PRRC2B: variants seen among roughly 807,000 people sequenced by gnomAD.
PRRC2B encodes the protein proline rich coiled-coil 2B, also known as protein PRRC2B.
Under a neutral mutation model 242.3 loss-of-function variants are expected in PRRC2B, and 68 were observed. That is an observed-to-expected ratio of 0.28 (90% CI 0.23 to 0.34). PRRC2B has a LOEUF of 0.34. Ranked by LOEUF, PRRC2B falls within the 10% of genes least tolerant of loss-of-function variation. The pLI is 1.00. For synonymous variants in PRRC2B, 1,228 were observed against 1,173.6 expected (o/e 1.05, Z -0.95); for missense variants, 2,835 against 2,954.8 (o/e 0.96, Z 0.94).
At chr9:131,421,630 C>G (rs1402632985) in intron 1 of PRRC2B, among the ~76,000 whole-genome samples, 1 of 152,236 alleles carries the variant, frequency 6.6e-6, no homozygotes, top group East Asian at 1.9e-4. Context: ...CGTTGCAGCA[C>G]TCATTGTGTC....
rs972358643 is a variant in PRRC2B at position 131,487,349 on chromosome 9, C to T, written c.5984+55C>T. 12 of 1,377,562 alleles carry T rather than the reference C, an allele frequency of 8.7e-6. No individual in the cohort carries two copies. In the African/African-American group the frequency reaches 8.8e-5, roughly 10 times the overall value. The allele number at this position is 1,377,562 out of a possible 1,614,324, so 85.3% of individuals were successfully genotyped here. On this transcript the variant is annotated intron_variant, in intron 27 of 31. Transcript: ENST00000683519. This position sits in a 1 kb window ranked among gnomAD's most constrained non-coding sequence, Gnocchi z 5.3. ...GCAGCTCACAGCCAGGGCCTTGGCCCTGTGTGCAGCCTTCGTCCTGCAGCT... is the reference window on the plus strand; with the variant it reads ...GCAGCTCACAGCCAGGGCCTTGGCCTTGTGTGCAGCCTTCGTCCTGCAGCT...
intron 13 of PRRC2B, among the ~76,000 whole-genome samples, chr9:131,468,732 TC>T (rs564061881): frequency 9.3e-4 from 141 of 152,260 alleles, no homozygotes; most frequent in African/African-American, 2.7e-3. Context: ...TGAAAATATT[TC>T]AAAACGTGTG....
Position 131,479,324 on chromosome 9 carries a change from C to T in PRRC2B, c.4831C>T (p.Leu1611=). Residue 1611 remains leucine, a synonymous_variant, in exon 19 of 32, where the codon CTG becomes TTG. Coordinates refer to ENST00000683519, the MANE Select transcript of PRRC2B (RefSeq NM_013318.4). ...TGCAAAAAAGCAGAACAACTTATGT[C>T]TGGAGCAAGGTGACGTGACCGTGCC... ...RFAKKQNNLC[L]EQGDVTVPGS... is the part of the protein sequence containing the mutation. 6.2e-7 allele frequency: 1 copy of T among 1,613,940 alleles called. No individual in the cohort carries two copies. Among genetic ancestry groups the T allele is most frequent in the South Asian group, 1.1e-5 (1 of 91,076 alleles).
intron 9 of PRRC2B, among the ~76,000 whole-genome samples, chr9:131,454,797 G>C (rs1240128191): frequency 6.6e-6 from 1 of 151,998 alleles, no homozygotes; most frequent in South Asian, 2.1e-4. Context: ...CACCATGCCC[G>C]ACTAATTTTT....
In PRRC2B at chr9:131,497,978, C is replaced by G. The variant is rs768943583; in HGVS notation, c.*2104C>G. On this transcript the variant is annotated 3_prime_UTR_variant, in exon 32 of 32. Transcript: ENST00000683519. ...TTCAGGCCTGCGGGAGCCACACATT[C>G]ATCTCCACCTGGACACTTGAGCCGC... 1.6e-4 allele frequency: 25 copies of G among 152,374 alleles called. No homozygotes were observed. Among genetic ancestry groups the G allele is most frequent in the African/African-American group, 5.1e-4 (21 of 41,572 alleles). 9.4% of individuals were successfully genotyped at this position (152,374 alleles called of 1,614,324 possible). A position where few individuals can be genotyped will look rare whatever the true frequency, so the allele number is the denominator to read the frequency against.
intron 5 of PRRC2B, among the ~76,000 whole-genome samples, chr9:131,440,349 C>T (rs949998103): frequency 2.6e-5 from 4 of 151,726 alleles, no homozygotes; most frequent in African/African-American, 9.7e-5. Flanking sequence ...CTTGCTTTGT[C>T]ACACAGGCTG....
Position 131,475,541 on chromosome 9 carries a change from G to C in PRRC2B, c.3412G>C (p.Gly1138Arg). The C allele has an allele frequency of 6.2e-7, 1 of 1,612,614 alleles. No homozygotes were observed. Among genetic ancestry groups the C allele is most frequent in the Non-Finnish European group, 8.5e-7 (1 of 1,179,742 alleles). Reference protein sequence around the residue: ...RRVASETHSEGSEYEELPKRR... With the variant: ...RRVASETHSERSEYEELPKRR... The stretch of plus-strand genomic sequence containing the variant: ...AGTTGCCAGTGAGACCCATAGCGAG[G>C]GCTCAGAGTATGAAGAACTTCCCAA... The change falls in exon 16 of 32, where the codon GGC (glycine) becomes CGC (arginine). Residue 1138 changes from glycine (G) to arginine (R), a missense_variant. Physicochemically the swap from Gly to Arg is moderately radical, Grantham distance 125. Around this residue, in one of 7 missense-constraint regions of PRRC2B, gnomAD observed 1,536 missense variants for 1,483.1 expected, o/e 1.04. Coordinates refer to ENST00000683519, the MANE Select transcript of PRRC2B (RefSeq NM_013318.4).
chr9:131,425,717 C>T (rs1837958866), intron 1 of PRRC2B, among the ~76,000 whole-genome samples: 1 of 150,320 alleles, frequency 6.7e-6, no homozygotes, highest in African/African-American at 2.4e-5. Context: ...TCTCGATCTC[C>T]TGACCTCGTG....
At chr9:131,417,280 AG>A (rs1202931543) in intron 1 of PRRC2B, among the ~76,000 whole-genome samples, 1 of 151,808 alleles carries the variant, frequency 6.6e-6, no homozygotes, top group Non-Finnish European at 1.5e-5. Flanking sequence ...GAAGCTTCTG[AG>A]GTTTGCCACT....
rs370981276 is a variant in PRRC2B, at chr9:131,444,255, G to A, written c.540G>A (p.Gly180=). 147 of 1,613,854 alleles carry A rather than the reference G, an allele frequency of 9.1e-5. No individual in the cohort carries two copies. Among genetic ancestry groups the A allele is most frequent in the Admixed American group, 1.8e-4 (11 of 59,992 alleles). Residue 180 remains glycine, a synonymous_variant, in exon 6 of 32, where the codon GGG becomes GGA. Transcript: ENST00000683519. ...TTCCGACGCTGAAAGCAGCTGGAGG[G>A]CAGGACAAGGCTGGCAAAGAAAAGG... ...EEFPTLKAAG[G]QDKAGKEKGV... is the part of the protein sequence containing the mutation.
At position 131,467,683 on chromosome 9, in the gene PRRC2B, CT is replaced by C; in HGVS notation, c.1842del (p.Ala615HisfsTer61). 6.2e-7 allele frequency: 1 copy of C among 1,614,000 alleles called. No individual in the cohort carries two copies. The highest frequency in any genetic ancestry group is 8.5e-7 in the Non-Finnish European group (1 of 1,179,888). On this transcript the variant is annotated frameshift_variant, in exon 13 of 32. Coordinates refer to ENST00000683519, the MANE Select transcript of PRRC2B (RefSeq NM_013318.4). LOFTEE classifies it high-confidence loss of function. ...GAAGAGGCCAGAGAGGCTGGGTCCCCTGCACAGGAGTTCAAGTATCAGAAGT... is the reference window on the plus strand; with the variant it reads ...GAAGAGGCCAGAGAGGCTGGGTCCCCGCACAGGAGTTCAAGTATCAGAAGT... The part of the protein sequence containing the change: ...SEEEAREAGS[P>X]AQEFKYQKSL...
chr9:131,495,855 T>C lies in PRRC2B; in HGVS notation c.6671T>C (p.Val2224Ala). 6.2e-7 allele frequency: 1 copy of C among 1,609,152 alleles called. No homozygotes were observed. The highest frequency in any genetic ancestry group is 8.5e-7 in the Non-Finnish European group (1 of 1,176,212). ...TGAIKPRAVK[V>A]EESKA is the part of the protein sequence containing the mutation. ...GCGATCAAGCCTCGGGCTGTCAAAG[T>C]GGAGGAGAGTAAGGCCTGACAGTGC... The change falls in exon 32 of 32, where the codon GTG becomes GCG. Residue 2224 changes from valine to alanine, a missense_variant. Physicochemically the swap from Val to Ala is moderately conservative, Grantham distance 64. This residue lies in a region of PRRC2B where 574 missense variants were observed against 626.0 expected (regional missense o/e 0.92). Transcript: ENST00000683519.
chr9:131,466,723 G>A (rs962577612), intron 12 of PRRC2B, among the ~76,000 whole-genome samples: 5 of 151,918 alleles, frequency 3.3e-5, no homozygotes, highest in African/African-American at 7.3e-5. Context: ...GGGTTCAAGC[G>A]ATTCTCTCAC....
Position 131,477,934 on chromosome 9 carries a change from G to C in PRRC2B, c.4597G>C (p.Asp1533His). 6.2e-7 allele frequency: 1 copy of C among 1,613,930 alleles called. No individual in the cohort carries two copies. Among genetic ancestry groups the C allele is most frequent in the Non-Finnish European group, 8.5e-7 (1 of 1,179,816 alleles). Residue 1533 changes from aspartate to histidine, a missense_variant, in exon 17 of 32, where the codon GAC becomes CAC. By Grantham distance (81) the Asp-to-His change is moderately conservative. Around this residue, in one of 7 missense-constraint regions of PRRC2B, gnomAD observed 1,536 missense variants for 1,483.1 expected, o/e 1.04. Transcript: ENST00000683519. ...ACAGGGAGAGGCCATGAAACAGTTT[G>C]ACCTGAACTATGGAAGTAAGTCATC... ...GEQGEAMKQF[D>H]LNYGSAIIEN...
intron 1 of PRRC2B, among the ~76,000 whole-genome samples, chr9:131,378,970 C>T (rs193011054): frequency 1.3e-3 from 195 of 152,270 alleles, no homozygotes; most frequent in African/African-American, 4.5e-3. Context: ...CTGCCCACCT[C>T]GGCCTTCCAA....
chr9:131,473,528 C>T lies in PRRC2B; in HGVS notation c.2128C>T (p.Pro710Ser). Reference protein sequence around the residue: ...HPSGLMKPMMPQESLNGTGCR... With the variant: ...HPSGLMKPMMSQESLNGTGCR... ...TTCAGGACTGATGAAGCCCATGATG[C>T]CCCAGGAGTCCCTCAATGGGACAGG... The change falls in exon 15 of 32, where the codon CCC becomes TCC. Residue 710 changes from proline (P) to serine (S), a missense_variant. By Grantham distance (74) the Pro-to-Ser change is moderately conservative. Transcript: ENST00000683519. 6.2e-7 allele frequency: 1 copy of T among 1,603,362 alleles called. No individual in the cohort carries two copies. The highest frequency in any genetic ancestry group is 8.5e-7 in the Non-Finnish European group (1 of 1,175,062).
In PRRC2B at chr9:131,432,744, C is replaced by G. The variant is rs376558557; in HGVS notation, c.243C>G (p.Pro81=). The G allele has an allele frequency of 2.1e-4, 344 of 1,614,060 alleles. 3 individuals are homozygous for G. In the South Asian group the frequency reaches 3.5e-3, roughly 17 times the overall value. Residue 81 remains proline (P), a synonymous_variant, in exon 3 of 32, where the codon CCC becomes CCG. Coordinates refer to ENST00000683519, the MANE Select transcript of PRRC2B (RefSeq NM_013318.4). ...ACGACCCCAACATCGTGATAGTACCCAAGGACGGGACGGGATGGGCAAACA... is the reference window on the plus strand; with the variant it reads ...ACGACCCCAACATCGTGATAGTACCGAAGGACGGGACGGGATGGGCAAACA... ...KGNDPNIVIV[P]KDGTGWANKQ... is the part of the protein sequence containing the mutation.
At chr9:131,389,966 AAGCTGG>A (rs1233576517), upstream of PRRC2B, among the ~76,000 whole-genome samples, 1 of 122,294 alleles carries the variant, frequency 8.2e-6, no homozygotes, top group Non-Finnish European at 1.6e-5. Context: ...TTTTGTCGCC[AAGCTGG>A]AGTGCAGTGG....
intron 19 of PRRC2B, 77 bp downstream of exon 19, chr9:131,479,470 C>T: frequency 7.0e-7 from 1 of 1,430,572 alleles, no homozygotes; most frequent in South Asian, 1.3e-5. Context: ...GGGGAGGATC[C>T]TGCTTTTGAG....
Sources: gnomAD v4.1 joint callset for allele counts (sites outside exome capture counted in the v4.1 genomes callset) on GRCh38, gnomAD v4.1.1 for gene constraint, gnomAD v4.1.1 regional missense constraint, Gnocchi (gnomAD v3.1) non-coding constraint, MANE v1.5 for transcripts, NCBI Gene and HGNC (gene_info 2026-07-23, HGNC 2026-07-21) for gene names.